ODAD3: variants seen among roughly 807,000 people sequenced by gnomAD.
The protein encoded by ODAD3 is outer dynein arm docking complex subunit 3.
In ODAD3, 57 loss-of-function variants were observed where a neutral mutation model predicts 70.9. The ratio of observed to expected loss-of-function variants is 0.80; its 90% CI spans 0.65 to 1.00. ODAD3 has a LOEUF of 1.00. Ranked by LOEUF, ODAD3 falls within the 50% of genes least tolerant of loss-of-function variation. The pLI is 0.00. For missense variants in ODAD3, 797 were observed against 763.9 expected, an observed-to-expected ratio of 1.04 and a Z score of -0.51; for synonymous variants, 327 against 315.9, an observed-to-expected ratio of 1.04 and a Z score of -0.37.
At chr19:11,425,310 T>C (rs1466553056) in intron 7 of ODAD3, among the ~76,000 whole-genome samples, 2 of 138,200 alleles carry the variant, frequency 1.4e-5, no homozygotes, top group East Asian at 2.2e-4. Context: ...TGTGTATGTG[T>C]ACATATGTGT....
At chr19:11,427,726 C>T (rs927082476) in intron 3 of ODAD3, among the ~76,000 whole-genome samples, 2 of 152,042 alleles carry the variant, frequency 1.3e-5, no homozygotes, top group Non-Finnish European at 2.9e-5. Context: ...AGGTGATCCA[C>T]CTGCCTCGGC....
intron 1 of ODAD3, among the ~76,000 whole-genome samples, chr19:11,433,845 T>G (rs557952286): frequency 8.7e-4 from 133 of 152,256 alleles, no homozygotes; most frequent in African/African-American, 3.1e-3. Flanking sequence ...AAGGATCGCT[T>G]GAGCCTAGGA....
Position 11,431,006 on chromosome 19 carries a change from C to G in ODAD3, c.259G>C (p.Ala87Pro), listed in dbSNP as rs759724722. ...KIQLLEGDRK[A>P]FFESSQWNIK... ...TTCCACTGAGAGCTCTCAAAAAAAG[C>G]CTTCCGGTCACCCTCTGGCAGGCAG... The change falls in exon 2 of 13, where the codon GCT becomes CCT. Residue 87 changes from alanine (A) to proline (P), a missense_variant. Coordinates refer to ENST00000356392, the MANE Select transcript of ODAD3 (RefSeq NM_145045.5). 3.1e-6 allele frequency: 5 copies of G among 1,614,014 alleles called. No individual in the cohort carries two copies. Among genetic ancestry groups the G allele is most frequent in the Admixed American group, 3.3e-5 (2 of 59,984 alleles).
At chr19:11,430,532 A>G (rs1969480315) in intron 3 of ODAD3, 167 bp downstream of exon 3, 11 of 682,592 alleles carry the variant, frequency 1.6e-5, no homozygotes, top group Admixed American at 2.4e-5. Flanking sequence ...ATTTACTACC[A>G]TGCCAGGATG....
chr19:11,421,013 T>C (rs2144752120), intron 12 of ODAD3, 66 bp from the exon 13 acceptor site: 1 of 1,583,540 alleles, frequency 6.3e-7, no homozygotes, highest in East Asian at 2.2e-5. Flanking sequence ...TGGCTCCCCT[T>C]CCCTTTACCA....
At chr19:11,435,482 A>C (rs762386762), upstream of ODAD3, 3 of 378,130 alleles carry the variant, frequency 7.9e-6, no homozygotes, top group Non-Finnish European at 1.5e-5. Context: ...CCTCAGAACT[A>C]TCCTCTCTAA....
Position 11,424,956 on chromosome 19 carries a change from CAT to C in ODAD3, c.964-929_964-928del, listed in dbSNP as rs1418514112. Among the ~76,000 whole-genome samples the C allele has an allele frequency of 2.8e-5, 3 of 105,838 alleles. 1 individual carries two copies. The highest frequency in any genetic ancestry group is 5.6e-5 in the Non-Finnish European group (3 of 53,828). 69.4% of individuals were successfully genotyped at this position (105,838 alleles called of 152,430 possible). A position where few individuals can be genotyped will look rare whatever the true frequency, so the allele number is the denominator to read the frequency against. On this transcript the variant is annotated intron_variant, in intron 7 of 12. Transcript: ENST00000356392. ...ATATATGTATATATGTGTATATGTA[CAT>C]ATGTGTATATATGTATATATGTGTA...
rs778008793 is a variant in ODAD3 at position 11,430,983 on chromosome 19, C to T, written c.282G>A (p.Trp94Ter). Residue 94 changes from tryptophan to a stop codon, truncating the protein, a stop_gained, in exon 2 of 13, where the codon TGG (tryptophan) becomes TGA (stop). Transcript: ENST00000356392. LOFTEE classifies it high-confidence loss of function. Reference sequence around the variant, plus strand: ...TGGTCTCCTGGTTCTTCTTGATGTTCCACTGAGAGCTCTCAAAAAAAGCCT... The same window carrying T: ...TGGTCTCCTGGTTCTTCTTGATGTTTCACTGAGAGCTCTCAAAAAAAGCCT... ...DRKAFFESSQ[W>*]NIKKNQETIS... 2.5e-6 allele frequency: 4 copies of T among 1,614,008 alleles called. No homozygotes were observed. Among genetic ancestry groups the T allele is most frequent in the Non-Finnish European group, 2.5e-6 (3 of 1,180,056 alleles).
intron 3 of ODAD3, among the ~76,000 whole-genome samples, chr19:11,427,444 A>G (rs981991774): frequency 7.0e-6 from 1 of 142,324 alleles, no homozygotes; most frequent in Non-Finnish European, 1.5e-5. Context: ...ACAGGTGCCC[A>G]CCACCACGCC....
At chr19:11,428,008 A>G (rs1040998334) in intron 3 of ODAD3, among the ~76,000 whole-genome samples, 1 of 151,702 alleles carries the variant, frequency 6.6e-6, no homozygotes, top group South Asian at 2.1e-4. Context: ...GCTGAGGCAG[A>G]AGAATGGCGA....
chr19:11,425,106 T>TATATGTGTATATGTAC lies in ODAD3; in HGVS notation c.963+1022_963+1037dup, dbSNP rs1185659170. Among the ~76,000 whole-genome samples the TATATGTGTATATGTAC allele has an allele frequency of 1.8e-4, 22 of 125,106 alleles. No homozygotes were observed. In the South Asian group the frequency reaches 3.5e-3, roughly 20 times the overall value. The allele number at this position is 125,106 out of a possible 152,430, so 82.1% of individuals were successfully genotyped here. ...ATATGTACATATGTGTATATATGTA[T>TATATGTGTATATGTAC]ATATGTGTATATGTACATATGTGTA... On this transcript the variant is annotated intron_variant, in intron 7 of 12. Coordinates refer to ENST00000356392, the MANE Select transcript of ODAD3 (RefSeq NM_145045.5).
chr19:11,434,632 G>A, intron 1 of ODAD3, 141 bp downstream of exon 1: 1 of 1,053,388 alleles, frequency 9.5e-7, no homozygotes, highest in Non-Finnish European at 1.4e-6. Flanking sequence ...AGACAGAGAA[G>A]GAAAAACATG....
chr19:11,434,870 G>T lies in ODAD3; in HGVS notation c.147C>A (p.Thr49=), dbSNP rs780358570. 6.2e-7 allele frequency: 1 copy of T among 1,614,168 alleles called. No individual in the cohort carries two copies. The highest frequency in any genetic ancestry group is 1.1e-5 in the South Asian group (1 of 91,090). Reference sequence around the variant, plus strand: ...AGGATCCTCCCTTGGAACGGCCTGGGGTCCACGCCTGGGCTGTGCCCTTGC... The same window carrying T: ...AGGATCCTCCCTTGGAACGGCCTGGTGTCCACGCCTGGGCTGTGCCCTTGC... ...LRGKGTAQAW[T]PGRSKGGSFH... Residue 49 remains threonine (T), a synonymous_variant, in exon 1 of 13, where the codon ACC becomes ACA. Coordinates refer to ENST00000356392, the MANE Select transcript of ODAD3 (RefSeq NM_145045.5).
chr19:11,425,048 T>C (rs1377338273), intron 7 of ODAD3, among the ~76,000 whole-genome samples: 12 of 124,048 alleles, frequency 9.7e-5, no homozygotes, highest in South Asian at 2.4e-4. Context: ...CATATGTGTA[T>C]ATATGTGTAT....
chr19:11,422,608 C>T lies in ODAD3; in HGVS notation c.1297G>A (p.Glu433Lys). 6.3e-7 allele frequency: 1 copy of T among 1,597,952 alleles called. No individual in the cohort carries two copies. The highest frequency in any genetic ancestry group is 1.3e-5 in the African/African-American group (1 of 74,868). ...TCCTTCTTGAGACGCTCCTGCGCCT[C>T]GGCTTGCAGTTTCTGCTGGCTGCAG... ...TLVSQQKLQA[E>K]AQERLKKEER... The change falls in exon 10 of 13, where the codon GAG (glutamate) becomes AAG (lysine). Residue 433 changes from glutamate (E) to lysine (K), a missense_variant. Physicochemically the swap from Glu to Lys is moderately conservative, Grantham distance 56. Transcript: ENST00000356392. The surrounding 1 kb of genome is among the most constrained non-coding windows in gnomAD (Gnocchi z 4.6).
Position 11,435,000 on chromosome 19 carries a change from C to T in ODAD3, c.17G>A (p.Cys6Tyr). 6.2e-7 allele frequency: 1 copy of T among 1,611,802 alleles called. No individual in the cohort carries two copies. The highest frequency in any genetic ancestry group is 8.5e-7 in the Non-Finnish European group (1 of 1,179,912). MTSPL[C>Y]RAASANALPP... is the part of the protein sequence containing the mutation. ...CAGGGCGTTGGCGGAGGCCGCCCTG[C>T]ACAGAGGAGATGTCATGATGGGGTT... Residue 6 changes from cysteine to tyrosine, a missense_variant, in exon 1 of 13, where the codon TGC becomes TAC. Cys to Tyr is a radical substitution (Grantham distance 194). Transcript: ENST00000356392.
intron 7 of ODAD3, among the ~76,000 whole-genome samples, chr19:11,425,029 GCATATATACATATGTGTA>G: frequency 3.1e-5 from 4 of 130,252 alleles, no homozygotes; most frequent in Non-Finnish European, 3.1e-5. Flanking sequence ...ATACATATGT[GCATATATACATATGTGTA>G]TATATGTGTA....
At chr19:11,423,799 T>A in intron 8 of ODAD3, 78 bp downstream of exon 8, 3 of 1,441,688 alleles carry the variant, frequency 2.1e-6, no homozygotes, top group Non-Finnish European at 2.8e-6. Context: ...GTGTGTCGGT[T>A]TCACCGGCTT....
At chr19:11,425,659 A>ATATATGCATATACG (rs1969350865) in intron 7 of ODAD3, among the ~76,000 whole-genome samples, 2 of 131,800 alleles carry the variant, frequency 1.5e-5, no homozygotes, top group African/African-American at 7.7e-5. Context: ...ACGTATATAT[A>ATATATGCATATACG]TATATATATA....
Sources: allele counts gnomAD v4.1 joint callset (sites outside exome capture counted in the v4.1 genomes callset), GRCh38; gene constraint gnomAD v4.1.1; non-coding constraint Gnocchi (gnomAD v3.1); transcripts MANE v1.5; gene names NCBI Gene and HGNC (gene_info 2026-07-23, HGNC 2026-07-21).